The following CTDP1 variants were observed in gnomAD, a reference collection of about 807,000 sequenced individuals.
CTDP1 encodes the protein CTD phosphatase 1.
A neutral mutation model predicts 91.8 loss-of-function variants in CTDP1; 47 were observed. The ratio of observed to expected loss-of-function variants is 0.51; its 90% CI spans 0.41 to 0.65. The LOEUF (loss-of-function observed/expected upper bound fraction) is 0.65, where lower values mean the gene tolerates loss of function less well. Ranked by LOEUF, CTDP1 falls within the 30% of genes least tolerant of loss-of-function variation. The pLI is 0.00. For missense variants in CTDP1, 1,272 were observed against 1,373.7 expected (o/e 0.93, Z 1.17); for synonymous variants, 656 against 598.5 (o/e 1.10, Z -1.40).
chr18:79,706,148 G>A (rs1169919682), intron 5 of CTDP1, among the ~76,000 whole-genome samples: 2 of 152,188 alleles, frequency 1.3e-5, no homozygotes, highest in East Asian at 3.8e-4. Context: ...GTGGGCCCTG[G>A]GAGCTGCGGG....
At position 79,717,995 on chromosome 18, in the gene CTDP1, G is replaced by A. The variant is rs543624840; in HGVS notation, c.2396G>A (p.Arg799His). ...GCACCCTCCAGCTCCCTACCCATCCGCCAGGAGCCCTCTTCCTTCAGGTAC... is the reference window on the plus strand; with the variant it reads ...GCACCCTCCAGCTCCCTACCCATCCACCAGGAGCCCTCTTCCTTCAGGTAC... ...PPAPSSSLPI[R>H]QEPSSFRAVP... The change falls in exon 10 of 13, where the codon CGC becomes CAC. Residue 799 changes from arginine (R) to histidine (H), a missense_variant. Physicochemically the swap from Arg to His is conservative, Grantham distance 29. Coordinates refer to ENST00000613122, the MANE Select transcript of CTDP1 (RefSeq NM_004715.5). The A allele has an allele frequency of 3.5e-5, 56 of 1,613,284 alleles. No homozygotes were observed. In the Middle Eastern group the frequency reaches 6.6e-4, roughly 19 times the overall value.
intron 10 of CTDP1, among the ~76,000 whole-genome samples, chr18:79,726,780 T>G (rs1456379817): frequency 4.4e-5 from 5 of 112,886 alleles, no homozygotes; most frequent in African/African-American, 1.8e-4. Context: ...CCATTGCTGG[T>G]GGACGGCTGT....
chr18:79,716,615 C>T (rs1279825065), intron 8 of CTDP1, among the ~76,000 whole-genome samples: 2 of 151,766 alleles, frequency 1.3e-5, no homozygotes, highest in Non-Finnish European at 2.9e-5. Context: ...TCTGCCCTGC[C>T]GCGTGTCTGC....
At chr18:79,678,616 C>T (rs1280805183), upstream of CTDP1, 2 of 152,114 alleles carry the variant, frequency 1.3e-5, no homozygotes, top group African/African-American at 4.8e-5. Context: ...TGTTAGTATT[C>T]AGCCTAACAT....
chr18:79,729,867 G>A (rs2086530471), intron 11 of CTDP1, among the ~76,000 whole-genome samples: 2 of 152,212 alleles, frequency 1.3e-5, no homozygotes, highest in African/African-American at 2.4e-5. Context: ...GCTGGTCAGG[G>A]CACAGGCCGT....
In CTDP1 at chr18:79,753,636, G is replaced by A. The variant is rs749949351; in HGVS notation, c.2748-16G>A. 59 of 1,613,976 alleles carry A rather than the reference G, an allele frequency of 3.7e-5. No homozygotes were observed. The highest frequency in any genetic ancestry group is 4.5e-5 in the Non-Finnish European group (53 of 1,179,956). ...GTTTGCCACAAGCATCTCACACCAT[G>A]TTTGCTTCTCTGCAGAGGCCACAAG... On this transcript the variant is annotated splice_polypyrimidine_tract_variant and intron_variant, in intron 12 of 12. Transcript: ENST00000613122.
chr18:79,714,404 A>T lies in CTDP1; in HGVS notation c.1031-87A>T, dbSNP rs544925624. ...CTAGAGGGTGGTGGACTTCACAGCCATGGAGAAGGGTGCTGCTTTAACTTG... is the reference window on the plus strand; with the variant it reads ...CTAGAGGGTGGTGGACTTCACAGCCTTGGAGAAGGGTGCTGCTTTAACTTG... On this transcript the variant is annotated intron_variant, in intron 7 of 12. Transcript: ENST00000613122. 7 of 1,482,968 alleles carry T rather than the reference A, an allele frequency of 4.7e-6. No individual in the cohort carries two copies. The East Asian group carries it at 1.4e-4, about 29-fold the overall frequency. The allele number at this position is 1,482,968 out of a possible 1,614,324, so 91.9% of individuals were successfully genotyped here. A position where few individuals can be genotyped will look rare whatever the true frequency, so the allele number is the denominator to read the frequency against.
chr18:79,745,008 C>G (rs182296298), intron 12 of CTDP1, among the ~76,000 whole-genome samples: 1 of 152,198 alleles, frequency 6.6e-6, no homozygotes, highest in Non-Finnish European at 1.5e-5. Context: ...ATGTCCATGG[C>G]CAGCTGGCTC....
At chr18:79,756,430 C>G (rs970554068), downstream of CTDP1, 6 of 152,228 alleles carry the variant, frequency 3.9e-5, no homozygotes, top group Non-Finnish European at 7.3e-5. Flanking sequence ...CACCTCCATG[C>G]TGGCAGCCCC....
At chr18:79,694,920 T>C (rs1199178507) in intron 1 of CTDP1, among the ~76,000 whole-genome samples, 1 of 152,200 alleles carries the variant, frequency 6.6e-6, no homozygotes, top group Non-Finnish European at 1.5e-5. Flanking sequence ...GAGACAACTT[T>C]ATGTTATCCC....
At position 79,717,977 on chromosome 18, in the gene CTDP1, C is replaced by G; in HGVS notation, c.2378C>G (p.Ser793Cys). Residue 793 changes from serine to cysteine, a missense_variant, in exon 10 of 13, where the codon TCC (serine) becomes TGC (cysteine). This residue lies in a region of CTDP1 where 881 missense variants were observed against 911.6 expected (regional missense o/e 0.97). Transcript: ENST00000613122. ...RTGARGPPAP[S>C]SSLPIRQEPS... ...GGCGCCCGGGGGCCCCCAGCACCCT[C>G]CAGCTCCCTACCCATCCGCCAGGAG... 12 of 1,613,506 alleles carry G rather than the reference C, an allele frequency of 7.4e-6. No homozygotes were observed. Among genetic ancestry groups the G allele is most frequent in the Non-Finnish European group, 1.0e-5 (12 of 1,179,958 alleles).
chr18:79,730,881 GGTT>G (rs1568209164), intron 11 of CTDP1, among the ~76,000 whole-genome samples: 5 of 152,238 alleles, frequency 3.3e-5, no homozygotes, highest in African/African-American at 1.2e-4. Context: ...ACAGCTGTGA[GGTT>G]GTGAATTTGG....
chr18:79,753,805 C>T lies in CTDP1; in HGVS notation c.*15C>T. 1 of 1,611,716 alleles carries T rather than the reference C, an allele frequency of 6.2e-7. No individual in the cohort carries two copies. Among genetic ancestry groups the T allele is most frequent in the Non-Finnish European group, 8.5e-7 (1 of 1,179,588 alleles). On this transcript the variant is annotated 3_prime_UTR_variant, in exon 13 of 13. Coordinates refer to ENST00000613122, the MANE Select transcript of CTDP1 (RefSeq NM_004715.5). ...ACCTCATGTGAGCGCGGGCAGCGGGCAGGGACTGAAGCCTGACCGACCTCC... is the reference window on the plus strand; with the variant it reads ...ACCTCATGTGAGCGCGGGCAGCGGGTAGGGACTGAAGCCTGACCGACCTCC...
intron 10 of CTDP1, among the ~76,000 whole-genome samples, chr18:79,720,088 GTGA>G (rs1416577527): frequency 3.4e-5 from 5 of 147,918 alleles, no homozygotes; most frequent in Admixed American, 2.0e-4. Context: ...TCGTGTCCTG[GTGA>G]TGATGTCACC....
At position 79,695,958 on chromosome 18, in the gene CTDP1, C is replaced by T. The variant is rs559446134; in HGVS notation, c.399-19C>T. On this transcript the variant is annotated intron_variant, in intron 2 of 12. Coordinates refer to ENST00000613122, the MANE Select transcript of CTDP1 (RefSeq NM_004715.5). ...CAGAGACTCAGCTGAAAGCCCTGAA[C>T]CTGTCCTTGCACTTGCAGGTTGCAG... 23 of 1,607,592 alleles carry T rather than the reference C, an allele frequency of 1.4e-5. No homozygotes were observed. Among genetic ancestry groups the T allele is most frequent in the Non-Finnish European group, 1.9e-5 (22 of 1,176,674 alleles).
At chr18:79,728,216 C>T (rs2086491046) in intron 10 of CTDP1, among the ~76,000 whole-genome samples, 1 of 152,134 alleles carries the variant, frequency 6.6e-6, no homozygotes, top group African/African-American at 2.4e-5. Context: ...TCTCCTGCCT[C>T]AGCCTCCTGA....
intron 4 of CTDP1, among the ~76,000 whole-genome samples, chr18:79,703,802 G>A (rs2085907316): frequency 6.6e-6 from 1 of 152,096 alleles, no homozygotes; most frequent in Non-Finnish European, 1.5e-5. Context: ...TAGTTACCAG[G>A]AGTAGTTAGT....
At chr18:79,740,491 C>A (rs1440073279) in intron 12 of CTDP1, among the ~76,000 whole-genome samples, 1 of 152,184 alleles carries the variant, frequency 6.6e-6, no homozygotes, top group Non-Finnish European at 1.5e-5. Flanking sequence ...GAAATTTTTG[C>A]TTGTAACGAA....
At chr18:79,707,585 G>A (rs1344982172) in intron 5 of CTDP1, among the ~76,000 whole-genome samples, 1 of 152,238 alleles carries the variant, frequency 6.6e-6, no homozygotes, top group Non-Finnish European at 1.5e-5. Context: ...AGGGATGTCG[G>A]CCAAAACCAG....
Sources: allele counts gnomAD v4.1 joint callset (sites outside exome capture counted in the v4.1 genomes callset), GRCh38; gene constraint gnomAD v4.1.1; regional missense constraint gnomAD v4.1.1; transcripts MANE v1.5; gene names NCBI Gene and HGNC (gene_info 2026-07-23, HGNC 2026-07-21).